Variants in RASAL2 observed in about 807,000 individuals in gnomAD.
RASAL2 encodes the protein ras GTPase-activating protein nGAP.
RASAL2 carries 58 observed loss-of-function variants against 128.9 expected under a neutral mutation model. The observed-to-expected ratio is 0.45, with a 90% confidence interval of 0.36 to 0.56. The LOEUF is 0.56. Ranked by LOEUF, RASAL2 falls within the 20% of genes least tolerant of loss-of-function variation. The pLI, the probability that RASAL2 is intolerant of heterozygous loss-of-function variation, is 0.00. For missense variants in RASAL2, 1,360 were observed against 1,601.6 expected (o/e 0.85, Z 2.57); for synonymous variants, 561 against 580.8 (o/e 0.97, Z 0.49).
chr1:178,448,469 A>G (rs2102871878), intron 9 of RASAL2, among the ~76,000 whole-genome samples: 1 of 152,296 alleles, frequency 6.6e-6, no homozygotes, highest in South Asian at 2.1e-4. Context: ...TCTGCTCTGA[A>G]GCAGATTTTT....
intron 3 of RASAL2, among the ~76,000 whole-genome samples, chr1:178,383,540 C>T (rs1334462413): frequency 6.6e-6 from 1 of 152,034 alleles, no homozygotes; most frequent in Non-Finnish European, 1.5e-5. Flanking sequence ...TTCCTATTAC[C>T]TTTAGGAGTC....
chr1:178,451,624 A>G lies in RASAL2; in HGVS notation c.1681A>G (p.Ser561Gly), dbSNP rs757639857. Residue 561 changes from serine to glycine, a missense_variant, in exon 10 of 18, where the codon AGC (serine) becomes GGC (glycine). By Grantham distance (56) the Ser-to-Gly change is moderately conservative. Coordinates refer to ENST00000367649, the MANE Select transcript of RASAL2 (RefSeq NM_170692.4). Reference protein sequence around the residue: ...ESDENCEVDPSKCSSSELIDH... With the variant: ...ESDENCEVDPGKCSSSELIDH... ...CGATGAGAACTGTGAAGTGGATCCC[A>G]GCAAATGTTCATCTAGTGAACTGAT... The G allele has an allele frequency of 1.9e-6, 3 of 1,613,924 alleles. No homozygotes were observed. The highest frequency in any genetic ancestry group is 2.5e-6 in the Non-Finnish European group (3 of 1,179,808).
intron 1 of RASAL2, among the ~76,000 whole-genome samples, chr1:178,182,734 A>G (rs1662158458): frequency 6.6e-6 from 1 of 150,588 alleles, no homozygotes; most frequent in Non-Finnish European, 1.5e-5. Flanking sequence ...TCCACTATAC[A>G]TGTATAGTGG....
At chr1:178,123,036 T>A (rs889978030) in intron 1 of RASAL2, 1 of 152,160 alleles carries the variant, frequency 6.6e-6, no homozygotes, top group Admixed American at 6.5e-5. Context: ...GACCAGTGTT[T>A]TACAAAATGA....
At chr1:178,442,029 GA>G (rs1676692834) in intron 7 of RASAL2, among the ~76,000 whole-genome samples, 1 of 152,002 alleles carries the variant, frequency 6.6e-6, no homozygotes, top group Non-Finnish European at 1.5e-5. Flanking sequence ...GACTTGGGGG[GA>G]AGGTGCCACA....
At chr1:178,247,810 C>G (rs188963433) in intron 1 of RASAL2, among the ~76,000 whole-genome samples, 3 of 152,244 alleles carry the variant, frequency 2.0e-5, no homozygotes, top group Non-Finnish European at 1.5e-5. Context: ...TTATCTCTAC[C>G]TTAATTTCGT....
At chr1:178,456,334 G>A (rs1346199305) in intron 12 of RASAL2, 4 of 257,762 alleles carry the variant, frequency 1.6e-5, no homozygotes, top group Non-Finnish European at 2.3e-5. Context: ...TGGTTAGAAG[G>A]AATTTGGTTC....
At chr1:178,464,693 A>G (rs1232848934) in intron 15 of RASAL2, among the ~76,000 whole-genome samples, 1 of 151,452 alleles carries the variant, frequency 6.6e-6, no homozygotes, top group African/African-American at 2.4e-5. Context: ...ACACTCTACT[A>G]TTCATTTCTA....
In RASAL2 at chr1:178,260,393, T is replaced by C. The variant is rs71514846; in HGVS notation, c.203-23171T>C. ...ATATATATATATATATATATATATA[T>C]ATATATATATATATATATATATGAT... On this transcript the variant is annotated intron_variant, in intron 1 of 17. Coordinates refer to ENST00000367649, the MANE Select transcript of RASAL2 (RefSeq NM_170692.4). Among the ~76,000 whole-genome samples the C allele has an allele frequency of 3.4e-5, 2 of 58,502 alleles. 1 individual carries two copies. Among genetic ancestry groups the C allele is most frequent in the African/African-American group, 1.3e-4 (2 of 15,772 alleles). The allele number at this position is 58,502 out of a possible 152,430, so 38.4% of individuals were successfully genotyped here.
chr1:178,162,130 A>G (rs1033427286), intron 1 of RASAL2, among the ~76,000 whole-genome samples: 1 of 148,850 alleles, frequency 6.7e-6, no homozygotes, highest in Admixed American at 6.8e-5. Context: ...ACGCCTGGCT[A>G]ATTTTTTGTA....
At chr1:178,391,652 G>A (rs1362707694) in intron 4 of RASAL2, among the ~76,000 whole-genome samples, 1 of 152,116 alleles carries the variant, frequency 6.6e-6, no homozygotes, top group African/African-American at 2.4e-5. Flanking sequence ...TGGACTCTTT[G>A]AATTTGGGAA....
intron 5 of RASAL2, among the ~76,000 whole-genome samples, chr1:178,438,051 A>T (rs1676365968): frequency 6.6e-6 from 1 of 151,822 alleles, no homozygotes; most frequent in Admixed American, 6.6e-5. Context: ...TACTTTAAAA[A>T]TTACTAAATA....
At chr1:178,215,417 A>G (rs1274791341) in intron 1 of RASAL2, among the ~76,000 whole-genome samples, 4 of 152,226 alleles carry the variant, frequency 2.6e-5, no homozygotes, top group Non-Finnish European at 5.9e-5. Flanking sequence ...GGGAAGTCCT[A>G]GGGGATGGAA....
intron 2 of RASAL2, among the ~76,000 whole-genome samples, chr1:178,299,300 A>T (rs1300678097): frequency 1.3e-5 from 2 of 152,206 alleles, no homozygotes; most frequent in African/African-American, 2.4e-5. Flanking sequence ...AGTCTTTCTG[A>T]TCAACTTTTA....
At chr1:178,174,759 C>A (rs115931427) in intron 1 of RASAL2, among the ~76,000 whole-genome samples, 103 of 152,248 alleles carry the variant, frequency 6.8e-4, no homozygotes, top group African/African-American at 2.3e-3. Context: ...AACCCTTTGA[C>A]TTTGGCATTT....
In RASAL2 at chr1:178,381,354, G is replaced by C. The variant is rs549030006; in HGVS notation, c.458-8746G>C. ...TAAAAAGCCCTAGATTAGGATGGTG[G>C]ATGGTAGTGGAAATAAGACAAAATG... is the stretch of plus-strand genomic sequence containing the variant. On this transcript the variant is annotated intron_variant, in intron 3 of 17. Coordinates refer to ENST00000367649, the MANE Select transcript of RASAL2 (RefSeq NM_170692.4). Among the ~76,000 whole-genome samples, 25 of 152,254 alleles carry C rather than the reference G, an allele frequency of 1.6e-4. No homozygotes were observed. The East Asian group carries it at 3.9e-3, about 23-fold the overall frequency.
chr1:178,100,978 A>G (rs1174661207), intron 1 of RASAL2, among the ~76,000 whole-genome samples: 2 of 152,224 alleles, frequency 1.3e-5, no homozygotes, highest in African/African-American at 2.4e-5. Context: ...CTATCTTGGT[A>G]GAGGGATAAT....
chr1:178,353,374 C>A (rs1425904061), intron 3 of RASAL2, among the ~76,000 whole-genome samples: 1 of 152,204 alleles, frequency 6.6e-6, no homozygotes, highest in Non-Finnish European at 1.5e-5. Flanking sequence ...ATCCCTAGGA[C>A]AGGGGCAGAA....
chr1:178,441,844 A>T (rs1411740403), intron 7 of RASAL2, among the ~76,000 whole-genome samples, 197 bp downstream of exon 7: 1 of 152,120 alleles, frequency 6.6e-6, no homozygotes, highest in East Asian at 1.9e-4. Flanking sequence ...TTATCAAGAA[A>T]AGCAGTTTAA....
Sources: gnomAD v4.1 joint callset for allele counts (sites outside exome capture counted in the v4.1 genomes callset) on GRCh38, gnomAD v4.1.1 for gene constraint, MANE v1.5 for transcripts, NCBI Gene and HGNC (gene_info 2026-07-23, HGNC 2026-07-21) for gene names.